The following EYS variants were observed in gnomAD, a reference collection of about 807,000 sequenced individuals.
EYS encodes EGF-like photoreceptor maintenance factor.
EYS carries 250 observed loss-of-function variants against 282.1 expected under a neutral mutation model. The observed-to-expected ratio is 0.89, with a 90% CI of 0.80 to 0.98. The LOEUF (loss-of-function observed/expected upper bound fraction) is 0.98, where lower values mean the gene tolerates loss of function less well. Ranked by LOEUF, EYS falls within the 50% of genes least tolerant of loss-of-function variation. The pLI is 0.00. For synonymous variants in EYS, 1,355 were observed against 1,282.9 expected (o/e 1.06, Z -1.20); for missense variants, 4,016 against 3,709.0 (o/e 1.08, Z -2.15).
At position 64,521,079 on chromosome 6, in the gene EYS, G is replaced by A. The variant is rs554640501; in HGVS notation, c.5644+69144C>T. Among the ~76,000 whole-genome samples the A allele has an allele frequency of 8.6e-5, 13 of 151,862 alleles. No homozygotes were observed. The East Asian group carries it at 2.5e-3, about 30-fold the overall frequency. On this transcript the variant is annotated intron_variant, in intron 26 of 42. Coordinates refer to ENST00000503581, the MANE Select transcript of EYS (RefSeq NM_001142800.2). ...GAAAACGAAGTGACATACAGGAATA[G>A]CCTGATTAGTTACAGCTCAACATTT...
chr6:64,256,089 CTAAG>C (rs1292357468), intron 30 of EYS, among the ~76,000 whole-genome samples: 2 of 151,960 alleles, frequency 1.3e-5, no homozygotes, highest in African/African-American at 4.8e-5. Flanking sequence ...AAATACTTCT[CTAAG>C]TATCATGAAT....
At chr6:64,191,889 C>T (rs1765124651) in intron 31 of EYS, among the ~76,000 whole-genome samples, 1 of 150,590 alleles carries the variant, frequency 6.6e-6, no homozygotes, top group South Asian at 2.1e-4. Context: ...TTCAAGATCC[C>T]TGAGGAATCG....
At chr6:64,455,925 T>C (rs1164603355) in intron 26 of EYS, among the ~76,000 whole-genome samples, 4 of 152,186 alleles carry the variant, frequency 2.6e-5, no homozygotes, top group Non-Finnish European at 5.9e-5. Context: ...ACAACTTTGG[T>C]ATTTTAATAT....
chr6:64,766,107 T>C (rs1773324586), intron 22 of EYS, among the ~76,000 whole-genome samples: 1 of 151,558 alleles, frequency 6.6e-6, no homozygotes, highest in Admixed American at 6.6e-5. Flanking sequence ...TTTGTATTTT[T>C]AGTAGAGATG....
intron 33 of EYS, among the ~76,000 whole-genome samples, chr6:64,034,689 T>C (rs928238226): frequency 6.6e-6 from 1 of 152,178 alleles, no homozygotes; most frequent in South Asian, 2.1e-4. Context: ...GGAATCTCTG[T>C]ACTATGCTAT....
chr6:64,341,979 C>A (rs1204397105), intron 29 of EYS, among the ~76,000 whole-genome samples: 2 of 151,362 alleles, frequency 1.3e-5, no homozygotes, highest in African/African-American at 4.8e-5. Flanking sequence ...ATAAGTAAAC[C>A]ATAAAATATG....
At chr6:64,462,942 ATTT>A (rs58373990) in intron 26 of EYS, among the ~76,000 whole-genome samples, 3 of 105,920 alleles carry the variant, frequency 2.8e-5, no homozygotes, top group Admixed American at 2.0e-4. Context: ...CTCAGCTTTA[ATTT>A]TTTTTTTTTT....
chr6:64,091,832 T>C (rs1278771992), intron 31 of EYS, among the ~76,000 whole-genome samples: 2 of 152,184 alleles, frequency 1.3e-5, no homozygotes, highest in Non-Finnish European at 2.9e-5. Flanking sequence ...ACATGTGCCA[T>C]GTTGGTGTGC....
chr6:65,035,963 GTACTT>G (rs1772756786), intron 13 of EYS, among the ~76,000 whole-genome samples: 1 of 145,742 alleles, frequency 6.9e-6, no homozygotes, highest in Non-Finnish European at 1.5e-5. Context: ...TTATTAATAA[GTACTT>G]TATTAATAAA....
chr6:64,917,907 A>G (rs1457925580), intron 15 of EYS, among the ~76,000 whole-genome samples: 1 of 152,196 alleles, frequency 6.6e-6, no homozygotes, highest in Non-Finnish European at 1.5e-5. Context: ...TAGGTGAAAA[A>G]GAAATAATGA....
At chr6:65,647,913 A>G (rs1767509750) in intron 1 of EYS, among the ~76,000 whole-genome samples, 1 of 152,232 alleles carries the variant, frequency 6.6e-6, no homozygotes, top group Admixed American at 6.5e-5. Flanking sequence ...ACAAATGGCC[A>G]GCAAACATAT....
intron 11 of EYS, among the ~76,000 whole-genome samples, chr6:65,325,542 G>C (rs1769595304): frequency 6.6e-6 from 1 of 152,108 alleles, no homozygotes; most frequent in South Asian, 2.1e-4. Flanking sequence ...TGAACCTGGA[G>C]TCTCTTTGAC....
intron 37 of EYS, among the ~76,000 whole-genome samples, chr6:63,804,937 T>C (rs1297170577): frequency 6.6e-6 from 1 of 152,148 alleles, no homozygotes; most frequent in East Asian, 1.9e-4. Context: ...GAATGAATAG[T>C]ACTTTACATG....
At chr6:64,914,091 C>G (rs1439541682) in intron 15 of EYS, among the ~76,000 whole-genome samples, 1 of 151,492 alleles carries the variant, frequency 6.6e-6, no homozygotes, top group Non-Finnish European at 1.5e-5. Context: ...GTTTTACACA[C>G]AAAATTCTAG....
intron 36 of EYS, among the ~76,000 whole-genome samples, chr6:63,826,563 G>A (rs928805589): frequency 6.6e-6 from 1 of 152,180 alleles, no homozygotes; most frequent in Non-Finnish European, 1.5e-5. Flanking sequence ...AAATCTACAA[G>A]CTAGAAGGGA....
intron 22 of EYS, among the ~76,000 whole-genome samples, chr6:64,784,168 C>T (rs1318158022): frequency 6.6e-6 from 1 of 151,568 alleles, no homozygotes; most frequent in Non-Finnish European, 1.5e-5. Context: ...TTGAGTTTTA[C>T]CTATTTTTAT....
intron 30 of EYS, among the ~76,000 whole-genome samples, chr6:64,277,287 T>C (rs1012706145): frequency 6.6e-6 from 1 of 152,096 alleles, no homozygotes; most frequent in Non-Finnish European, 1.5e-5. Flanking sequence ...CTCAACAAAT[T>C]TGTAGCATTA....
intron 41 of EYS, among the ~76,000 whole-genome samples, chr6:63,730,482 T>G (rs1005446726): frequency 2.0e-5 from 3 of 152,220 alleles, no homozygotes; most frequent in African/African-American, 7.2e-5. Flanking sequence ...CCCACCATTG[T>G]GCATATGGTG....
intron 26 of EYS, among the ~76,000 whole-genome samples, chr6:64,529,724 TA>T (rs1239248438): frequency 6.6e-6 from 1 of 152,022 alleles, no homozygotes; most frequent in Admixed American, 6.6e-5. Flanking sequence ...TTTGTTAAAA[TA>T]AAATTTAAGA....
Sources: gnomAD v4.1 joint callset for allele counts (sites outside exome capture counted in the v4.1 genomes callset) on GRCh38, gnomAD v4.1.1 for gene constraint, MANE v1.5 for transcripts, NCBI Gene and HGNC (gene_info 2026-07-23, HGNC 2026-07-21) for gene names.